Variants in PTPRM observed in about 807,000 individuals in gnomAD.
PTPRM encodes receptor-type tyrosine-protein phosphatase mu.
In PTPRM, 47 loss-of-function variants were observed where a neutral mutation model predicts 186.7. The observed-to-expected ratio is 0.25, with a 90% CI of 0.20 to 0.32. PTPRM has a LOEUF of 0.32. PTPRM is among the 10% of genes least tolerant of loss of function. The probability of loss-of-function intolerance (pLI) is 1.00; values close to 1 mark genes in which losing one functional copy is unlikely to be tolerated. For missense variants in PTPRM, 1,494 were observed against 1,865.0 expected, an observed-to-expected ratio of 0.80 and a Z score of 3.66; for synonymous variants, 668 against 674.9, an observed-to-expected ratio of 0.99 and a Z score of 0.16.
chr18:7,668,679 C>T lies in PTPRM; in HGVS notation c.73+100788C>T, dbSNP rs143046416. On this transcript the variant is annotated intron_variant, in intron 1 of 32. Transcript: ENST00000580170. This position sits in a 1 kb window ranked among gnomAD's most constrained non-coding sequence, Gnocchi z 4.7. ...GTGGGGCCTCTGCTGCCTCAGCTCC[C>T]TCCCTGGAGGCTGTAATGGCTGCTT... Among the ~76,000 whole-genome samples, 697 of 152,198 alleles carry T rather than the reference C, an allele frequency of 4.6e-3. 25 individuals are homozygous for T. In the East Asian group the frequency reaches 0.078, roughly 17 times the overall value.
At chr18:7,822,382 C>T (rs2045246166) in intron 2 of PTPRM, among the ~76,000 whole-genome samples, 1 of 152,214 alleles carries the variant, frequency 6.6e-6, no homozygotes. Context: ...AAAGGGGCAA[C>T]ATTAGTGATA....
intron 13 of PTPRM, among the ~76,000 whole-genome samples, chr18:8,120,146 G>A (rs905424899): frequency 2.0e-5 from 3 of 152,116 alleles, no homozygotes; most frequent in African/African-American, 7.2e-5. Flanking sequence ...TAACAATTAA[G>A]CATGTGTTCC....
chr18:8,361,886 G>A lies in PTPRM; in HGVS notation c.3055-9004G>A, dbSNP rs549208907. On this transcript the variant is annotated intron_variant, in intron 23 of 32. Transcript: ENST00000580170. Reference sequence around the variant, plus strand: ...AAGATAGGCTACAAAAACTTTATCCGAGGTTCTTAAAAATAAAATGTTATC... The same window carrying A: ...AAGATAGGCTACAAAAACTTTATCCAAGGTTCTTAAAAATAAAATGTTATC... 7.9e-5 allele frequency among the ~76,000 whole-genome samples: 12 copies of A among 152,220 alleles called. No individual in the cohort carries two copies. In the South Asian group the frequency reaches 2.3e-3, roughly 29 times the overall value.
chr18:8,292,240 C>T (rs1019062706), intron 19 of PTPRM, among the ~76,000 whole-genome samples: 10 of 152,144 alleles, frequency 6.6e-5, no homozygotes, highest in African/African-American at 2.2e-4. Context: ...TAAATATTTT[C>T]TCAGATATCT....
intron 14 of PTPRM, among the ~76,000 whole-genome samples, chr18:8,200,569 C>T (rs1162270070): frequency 1.3e-5 from 2 of 152,246 alleles, no homozygotes; most frequent in Admixed American, 6.5e-5. Context: ...ACACACCGCA[C>T]GCAGCCCATC....
chr18:8,135,708 C>T (rs1426120573), intron 13 of PTPRM, among the ~76,000 whole-genome samples: 1 of 152,170 alleles, frequency 6.6e-6, no homozygotes, highest in Admixed American at 6.5e-5. Context: ...TACATGACTT[C>T]CACTCTCTCC....
chr18:8,138,263 G>A (rs1031416902), intron 13 of PTPRM, among the ~76,000 whole-genome samples: 3 of 150,450 alleles, frequency 2.0e-5, no homozygotes, highest in Non-Finnish European at 3.0e-5. Flanking sequence ...GTGAAGAGAC[G>A]GCCCAGGGCT....
At position 7,981,791 on chromosome 18, in the gene PTPRM, G is replaced by C. The variant is rs1183316793; in HGVS notation, c.1132+26377G>C. Among the ~76,000 whole-genome samples the C allele has an allele frequency of 3.9e-5, 6 of 152,184 alleles. No homozygotes were observed. In the East Asian group the frequency reaches 1.2e-3, roughly 29 times the overall value. ...TATATGGTATAGCCAAGGCTCCTAG[G>C]CTGCAAAATTGTAGAGCATGTTACT... On this transcript the variant is annotated intron_variant, in intron 7 of 32. Transcript: ENST00000580170.
At chr18:7,870,635 C>G (rs1195362698) in intron 2 of PTPRM, among the ~76,000 whole-genome samples, 2 of 152,184 alleles carry the variant, frequency 1.3e-5, no homozygotes, top group Non-Finnish European at 2.9e-5. Context: ...CTTCATTACA[C>G]TGCCTACCAA....
chr18:7,641,079 T>A (rs2038431880), intron 1 of PTPRM, among the ~76,000 whole-genome samples: 1 of 152,188 alleles, frequency 6.6e-6, no homozygotes, highest in African/African-American at 2.4e-5. Context: ...AACATGCAGG[T>A]CTTTTCAGCT....
At chr18:7,695,939 C>T (rs769904989) in intron 1 of PTPRM, among the ~76,000 whole-genome samples, 1 of 152,116 alleles carries the variant, frequency 6.6e-6, no homozygotes. Context: ...TTCGAAAGTT[C>T]GTTTCTCAGT....
At chr18:7,690,276 T>G (rs2039704889) in intron 1 of PTPRM, among the ~76,000 whole-genome samples, 1 of 152,236 alleles carries the variant, frequency 6.6e-6, no homozygotes, top group Non-Finnish European at 1.5e-5. Context: ...AAGCTGCATT[T>G]CTGTAAGGTA....
chr18:8,038,268 T>C (rs766031484), intron 7 of PTPRM, among the ~76,000 whole-genome samples: 1 of 152,094 alleles, frequency 6.6e-6, no homozygotes, highest in Non-Finnish European at 1.5e-5. Context: ...CATATTTTCA[T>C]TGGTTTTAGT....
At chr18:7,815,815 A>C (rs1035033293) in intron 2 of PTPRM, 1 of 152,238 alleles carries the variant, frequency 6.6e-6, no homozygotes, top group African/African-American at 2.4e-5. Flanking sequence ...GAATAGATTT[A>C]ATATATGGAC....
intron 14 of PTPRM, among the ~76,000 whole-genome samples, chr18:8,174,486 A>T (rs1162153997): frequency 6.6e-6 from 1 of 152,196 alleles, no homozygotes; most frequent in African/African-American, 2.4e-5. Flanking sequence ...TTTACAATGT[A>T]AGAATTGTAA....
At chr18:8,218,787 G>A (rs1052788307) in intron 14 of PTPRM, among the ~76,000 whole-genome samples, 3 of 152,202 alleles carry the variant, frequency 2.0e-5, no homozygotes, top group African/African-American at 7.2e-5. Context: ...TCTCTTGGCA[G>A]TTCTTGCATG....
intron 13 of PTPRM, among the ~76,000 whole-genome samples, chr18:8,139,501 G>A (rs921250559): frequency 6.6e-6 from 1 of 152,164 alleles, no homozygotes; most frequent in Admixed American, 6.5e-5. Flanking sequence ...ATATAAGCCA[G>A]ATCAAGTTCC....
chr18:7,995,535 AC>A (rs2083488279), intron 7 of PTPRM: 1 of 152,340 alleles, frequency 6.6e-6, no homozygotes, highest in East Asian at 1.9e-4. Context: ...CAAAATATTA[AC>A]ATAGTAAATC....
intron 4 of PTPRM, among the ~76,000 whole-genome samples, chr18:7,916,944 C>T (rs1264502339): frequency 6.6e-6 from 1 of 152,148 alleles, no homozygotes; most frequent in African/African-American, 2.4e-5. Flanking sequence ...CATGTTGTCC[C>T]TCTACGCCCT....
Sources: gnomAD v4.1 joint callset for allele counts (sites outside exome capture counted in the v4.1 genomes callset) on GRCh38, gnomAD v4.1.1 for gene constraint, Gnocchi (gnomAD v3.1) non-coding constraint, MANE v1.5 for transcripts, NCBI Gene and HGNC (gene_info 2026-07-23, HGNC 2026-07-21) for gene names.